The following MAGI1 variants were observed in gnomAD, a reference collection of about 807,000 sequenced individuals.
MAGI1 encodes membrane associated guanylate kinase, WW and PDZ domain containing 1.
MAGI1 carries 58 observed loss-of-function variants against 139.9 expected under a neutral mutation model. The observed-to-expected ratio is 0.41, with a 90% CI of 0.34 to 0.52. The LOEUF (loss-of-function observed/expected upper bound fraction) is 0.52. MAGI1 is among the 20% of genes least tolerant of loss of function. The probability of loss-of-function intolerance (pLI) is 0.12; values close to 1 mark genes in which losing one functional copy is unlikely to be tolerated. For synonymous variants in MAGI1, 812 were observed against 737.9 expected, an observed-to-expected ratio of 1.10 and a Z score of -1.63; for missense variants, 1,874 against 1,901.6, an observed-to-expected ratio of 0.99 and a Z score of 0.27.
At chr3:65,735,395 A>G (rs2034637605) in intron 1 of MAGI1, among the ~76,000 whole-genome samples, 1 of 143,674 alleles carries the variant, frequency 7.0e-6, no homozygotes, top group African/African-American at 2.9e-5. Flanking sequence ...GATCAACAGA[A>G]AATATAAATA....
chr3:65,611,638 T>C (rs1036674084), intron 2 of MAGI1, among the ~76,000 whole-genome samples: 4 of 140,240 alleles, frequency 2.9e-5, no homozygotes, highest in East Asian at 2.0e-4. Context: ...TATATATATA[T>C]ACTAGTATTA....
intron 4 of MAGI1, among the ~76,000 whole-genome samples, chr3:65,473,992 A>G (rs1950714133): frequency 6.6e-6 from 1 of 152,170 alleles, no homozygotes; most frequent in Non-Finnish European, 1.5e-5. Flanking sequence ...TTTGTTGGGC[A>G]TGGTGGCATG....
chr3:65,448,280 G>T, intron 6 of MAGI1: 1 of 590,940 alleles, frequency 1.7e-6, no homozygotes, highest in Non-Finnish European at 3.0e-6. Context: ...TAATTACATG[G>T]CTCATTTCCT....
chr3:66,004,328 T>C (rs1333191832), intron 1 of MAGI1, among the ~76,000 whole-genome samples: 1 of 152,188 alleles, frequency 6.6e-6, no homozygotes, highest in African/African-American at 2.4e-5. Context: ...GGCTGGAATA[T>C]CCGGAGGCAT....
At chr3:65,869,531 G>C (rs902432903) in intron 1 of MAGI1, among the ~76,000 whole-genome samples, 1 of 151,366 alleles carries the variant, frequency 6.6e-6, no homozygotes, top group Non-Finnish European at 1.5e-5. Flanking sequence ...CTCCCGAGTA[G>C]CTGGGACTAC....
chr3:65,922,583 A>G lies in MAGI1; in HGVS notation c.313+115413T>C, dbSNP rs140893086. Among the ~76,000 whole-genome samples the G allele has an allele frequency of 1.0e-3, 154 of 152,342 alleles. 3 individuals carry two copies. The East Asian group carries it at 0.026, about 26-fold the overall frequency. ...GATCTATAGATCCTTCAAAGGAAGC[A>G]AGGCCCTGCTTGACTTCAGACTTCT... is the stretch of plus-strand genomic sequence containing the variant. On this transcript the variant is annotated intron_variant, in intron 1 of 22. Coordinates refer to ENST00000402939, the MANE Select transcript of MAGI1 (RefSeq NM_001033057.2).
intron 2 of MAGI1, among the ~76,000 whole-genome samples, chr3:65,561,308 C>T (rs1204316804): frequency 1.3e-5 from 2 of 152,112 alleles, no homozygotes; most frequent in African/African-American, 4.8e-5. Context: ...GTTGTATTTT[C>T]TCCCTCACCC....
intron 3 of MAGI1, among the ~76,000 whole-genome samples, chr3:65,487,295 T>G (rs1951695855): frequency 6.6e-6 from 1 of 152,206 alleles, no homozygotes; most frequent in African/African-American, 2.4e-5. Context: ...TTAAATAAAG[T>G]GTCTTGTTCA....
At position 65,639,316 on chromosome 3, in the gene MAGI1, T is replaced by A. The variant is rs1432770215; in HGVS notation, c.314-17228A>T. Among the ~76,000 whole-genome samples the A allele has an allele frequency of 2.0e-5, 3 of 152,206 alleles. No individual in the cohort carries two copies. The East Asian group carries it at 5.8e-4, about 29-fold the overall frequency. On this transcript the variant is annotated intron_variant, in intron 1 of 22. Coordinates refer to ENST00000402939, the MANE Select transcript of MAGI1 (RefSeq NM_001033057.2). ...TTTGATGAGTGGAAATGTTCTATGT[T>A]GAAATGAAGTCTAATTTATCAATTT...
intron 1 of MAGI1, among the ~76,000 whole-genome samples, chr3:65,838,008 A>G (rs1158271695): frequency 6.6e-6 from 1 of 152,242 alleles, no homozygotes; most frequent in African/African-American, 2.4e-5. Context: ...TCCATCTTAC[A>G]TAACCGTAGT....
Position 65,430,065 on chromosome 3 carries a change from G to A in MAGI1, c.1622C>T (p.Ser541Phe), listed in dbSNP as rs1456472049. 6.2e-7 allele frequency: 1 copy of A among 1,613,820 alleles called. No homozygotes were observed. The highest frequency in any genetic ancestry group is 2.2e-5 in the East Asian group (1 of 44,834). ...THAQVVKIFQ[S>F]IPIGASVDLE... is the part of the protein sequence containing the mutation. ...GTCCACGCTGGCACCAATGGGGATG[G>A]ACTGGAAGATCTTCACAACTTGAGC... Residue 541 changes from serine (S) to phenylalanine (F), a missense_variant, in exon 12 of 23, where the codon TCC becomes TTC. This residue lies in a region of MAGI1 where 86 missense variants were observed against 130.0 expected (regional missense o/e 0.66). Transcript: ENST00000402939.
chr3:65,879,239 G>A (rs763716487), intron 1 of MAGI1, among the ~76,000 whole-genome samples: 3 of 152,066 alleles, frequency 2.0e-5, no homozygotes, highest in Non-Finnish European at 4.4e-5. Context: ...GGAGAGCAAA[G>A]AGAAGCATTT....
At chr3:65,942,557 T>C (rs1009844812) in intron 1 of MAGI1, among the ~76,000 whole-genome samples, 1 of 152,198 alleles carries the variant, frequency 6.6e-6, no homozygotes, top group Non-Finnish European at 1.5e-5. Context: ...CACTGTTAAA[T>C]ATGAGGTCAA....
intron 1 of MAGI1, among the ~76,000 whole-genome samples, chr3:66,018,213 A>T (rs1486879531): frequency 6.6e-6 from 1 of 151,256 alleles, no homozygotes; most frequent in African/African-American, 2.4e-5. Context: ...CCTCACCCCA[A>T]CACACACAGG....
chr3:66,037,682 G>T (rs1231297430), intron 1 of MAGI1, among the ~76,000 whole-genome samples: 2 of 152,198 alleles, frequency 1.3e-5, no homozygotes, highest in East Asian at 3.9e-4. Flanking sequence ...CCCTGACTCA[G>T]TTCCCCAACT....
At chr3:65,905,655 G>A (rs540242389) in intron 1 of MAGI1, among the ~76,000 whole-genome samples, 3 of 152,010 alleles carry the variant, frequency 2.0e-5, no homozygotes, top group Non-Finnish European at 4.4e-5. Context: ...TAAATTCTAA[G>A]TCTCAATTTC....
intron 2 of MAGI1, among the ~76,000 whole-genome samples, chr3:65,528,092 A>G (rs1168944506): frequency 2.0e-5 from 3 of 152,148 alleles, no homozygotes; most frequent in African/African-American, 7.2e-5. Flanking sequence ...TTAACAAAAA[A>G]TGGCTTTTTA....
chr3:65,375,708 AAGAGAG>A (rs3836224), intron 18 of MAGI1, 31 bp downstream of exon 18: 11 of 1,375,566 alleles, frequency 8.0e-6, no homozygotes, highest in African/African-American at 1.5e-5. Context: ...GAGAGAGAAA[AAGAGAG>A]AGAGAGAGAG....
chr3:65,788,609 G>A (rs1414808021), intron 1 of MAGI1, among the ~76,000 whole-genome samples: 1 of 152,150 alleles, frequency 6.6e-6, no homozygotes, highest in Non-Finnish European at 1.5e-5. Flanking sequence ...GACCCTCTGT[G>A]GCAATAAAAT....
Sources: gnomAD v4.1 joint callset for allele counts (sites outside exome capture counted in the v4.1 genomes callset) on GRCh38, gnomAD v4.1.1 for gene constraint, gnomAD v4.1.1 regional missense constraint, MANE v1.5 for transcripts, NCBI Gene and HGNC (gene_info 2026-07-23, HGNC 2026-07-21) for gene names.